Variants in IQCM observed in about 807,000 individuals in gnomAD.
IQCM encodes IQ motif containing M, also known as IQ domain-containing protein M.
A neutral mutation model predicts 57.6 loss-of-function variants in IQCM; 45 were observed. The ratio of observed to expected loss-of-function variants is 0.78; its 90% CI spans 0.62 to 1.00. The LOEUF is 1.00. Ranked by LOEUF, IQCM falls within the 50% of genes least tolerant of loss-of-function variation. The pLI is 0.00. For missense variants in IQCM, 468 were observed against 511.6 expected, an observed-to-expected ratio of 0.91 and a Z score of 0.82; for synonymous variants, 148 against 158.9, an observed-to-expected ratio of 0.93 and a Z score of 0.51.
chr4:149,645,370 T>C (rs551675577), intron 7 of IQCM, among the ~76,000 whole-genome samples: 17 of 152,348 alleles, frequency 1.1e-4, no homozygotes, highest in African/African-American at 4.1e-4. Context: ...TGTATTTTCC[T>C]ATATTGTCTG....
At chr4:149,384,422 GAA>G (rs1731278927) in intron 13 of IQCM, among the ~76,000 whole-genome samples, 1 of 151,932 alleles carries the variant, frequency 6.6e-6, no homozygotes. Context: ...CCCATATCGA[GAA>G]AAAGAGACAA....
At chr4:149,582,886 T>C (rs1035700711) in intron 9 of IQCM, among the ~76,000 whole-genome samples, 3 of 151,266 alleles carry the variant, frequency 2.0e-5, no homozygotes, top group African/African-American at 7.3e-5. Context: ...TAAGATTGTT[T>C]TGAGATAAAA....
chr4:149,805,579 G>C (rs1774000258), intron 2 of IQCM, among the ~76,000 whole-genome samples: 1 of 151,948 alleles, frequency 6.6e-6, no homozygotes, highest in Non-Finnish European at 1.5e-5. Flanking sequence ...CTTTCATTTA[G>C]ATCAGATAAG....
At chr4:149,696,280 T>C (rs1763335510) in intron 5 of IQCM, among the ~76,000 whole-genome samples, 1 of 152,164 alleles carries the variant, frequency 6.6e-6, no homozygotes, top group African/African-American at 2.4e-5. Context: ...CATTCAATGA[T>C]AATGATTTTC....
At chr4:149,811,420 C>T (rs1024663042) in intron 2 of IQCM, among the ~76,000 whole-genome samples, 3 of 151,852 alleles carry the variant, frequency 2.0e-5, no homozygotes, top group African/African-American at 7.3e-5. Context: ...ATTCTTTTTC[C>T]CAAAATATCA....
At chr4:149,619,767 T>C (rs1370033713) in intron 8 of IQCM, among the ~76,000 whole-genome samples, 1 of 152,178 alleles carries the variant, frequency 6.6e-6, no homozygotes, top group East Asian at 1.9e-4. Flanking sequence ...TAACTTGATT[T>C]GGAAATAAGA....
At chr4:149,574,013 G>T (rs1279056482) in intron 9 of IQCM, among the ~76,000 whole-genome samples, 2 of 151,798 alleles carry the variant, frequency 1.3e-5, no homozygotes, top group Non-Finnish European at 2.9e-5. Flanking sequence ...TCATTTGTTT[G>T]TTTCAGGAGT....
chr4:149,359,069 T>G (rs13121545), intron 13 of IQCM, among the ~76,000 whole-genome samples: 42,738 of 151,648 alleles, frequency 0.28, 6,159 homozygotes, highest in Middle Eastern at 0.33. Flanking sequence ...GGTAGAGAGA[T>G]CATAAATAAC....
chr4:149,370,362 G>A lies in IQCM; in HGVS notation c.1391-18296C>T, dbSNP rs373574246. Reference sequence around the variant, plus strand: ...TAACAGAACCTACCTTCAAGGATTAGTATAGGAATTTAAAGAGAAAATATA... The same window carrying A: ...TAACAGAACCTACCTTCAAGGATTAATATAGGAATTTAAAGAGAAAATATA... On this transcript the variant is annotated intron_variant, in intron 13 of 13. Coordinates refer to ENST00000636793, the MANE Select transcript of IQCM (RefSeq NM_001363507.2). Among the ~76,000 whole-genome samples the A allele has an allele frequency of 2.0e-5, 3 of 152,108 alleles. No homozygotes were observed. The East Asian group carries it at 5.8e-4, about 29-fold the overall frequency.
intron 12 of IQCM, among the ~76,000 whole-genome samples, chr4:149,539,524 G>A (rs892090847): frequency 6.6e-6 from 1 of 152,062 alleles, no homozygotes; most frequent in African/African-American, 2.4e-5. Context: ...TCCTTACAAT[G>A]GGTGAATTTT....
At chr4:149,669,680 C>A (rs1249452074) in intron 7 of IQCM, among the ~76,000 whole-genome samples, 1 of 152,124 alleles carries the variant, frequency 6.6e-6, no homozygotes, top group African/African-American at 2.4e-5. Context: ...GATCCAGTTT[C>A]AGCTTTCTAC....
chr4:149,403,464 C>T (rs1246840483), intron 13 of IQCM, among the ~76,000 whole-genome samples: 1 of 151,894 alleles, frequency 6.6e-6, no homozygotes, highest in African/African-American at 2.4e-5. Flanking sequence ...TTCAATTATC[C>T]ATCGTAAAGA....
intron 5 of IQCM, among the ~76,000 whole-genome samples, chr4:149,724,673 G>A (rs1027641588): frequency 2.0e-5 from 3 of 151,922 alleles, no homozygotes; most frequent in Non-Finnish European, 4.4e-5. Context: ...ATATGTGCAT[G>A]ACATGGATGT....
chr4:149,480,530 C>T (rs961833636), intron 12 of IQCM, among the ~76,000 whole-genome samples: 2 of 152,078 alleles, frequency 1.3e-5, no homozygotes, highest in African/African-American at 4.8e-5. Flanking sequence ...TATTTCTGTG[C>T]CTGGTTTATT....
chr4:149,668,176 A>T (rs934271848), intron 7 of IQCM, among the ~76,000 whole-genome samples: 1 of 152,196 alleles, frequency 6.6e-6, no homozygotes, highest in Admixed American at 6.5e-5. Flanking sequence ...GCAGCCAGAG[A>T]GAAAGGTCGG....
At position 149,698,701 on chromosome 4, in the gene IQCM, C is replaced by A. The variant is rs151054754; in HGVS notation, c.386-12233G>T. Among the ~76,000 whole-genome samples the A allele has an allele frequency of 9.5e-3, 1,438 of 152,072 alleles. 8 individuals are homozygous for A. The highest frequency in any genetic ancestry group is 0.016 in the Non-Finnish European group (1,070 of 67,976). ...AACCAATTCAATGTCTTTATGCTAA[C>A]CTTATATATTTCAGGAATTTAAATA... On this transcript the variant is annotated intron_variant, in intron 5 of 13. Coordinates refer to ENST00000636793, the MANE Select transcript of IQCM (RefSeq NM_001363507.2).
chr4:149,649,451 G>A (rs1320782807), intron 7 of IQCM, among the ~76,000 whole-genome samples: 1 of 151,900 alleles, frequency 6.6e-6, no homozygotes, highest in Non-Finnish European at 1.5e-5. Flanking sequence ...TTCCTATTCT[G>A]GATATAGTTG....
chr4:149,706,769 C>T (rs1236177482), intron 5 of IQCM, among the ~76,000 whole-genome samples: 2 of 151,874 alleles, frequency 1.3e-5, no homozygotes, highest in Non-Finnish European at 2.9e-5. Context: ...CTGGTCTTCT[C>T]TTTTCTACTA....
intron 8 of IQCM, among the ~76,000 whole-genome samples, chr4:149,617,838 T>A (rs1228215675): frequency 1.3e-5 from 2 of 152,136 alleles, no homozygotes; most frequent in Non-Finnish European, 2.9e-5. Context: ...TAAAAAATTC[T>A]GATGAAAGAA....
Sources: allele counts gnomAD v4.1 joint callset (sites outside exome capture counted in the v4.1 genomes callset), GRCh38; gene constraint gnomAD v4.1.1; transcripts MANE v1.5; gene names NCBI Gene and HGNC (gene_info 2026-07-23, HGNC 2026-07-21).